WDR11: variants seen among roughly 807,000 people sequenced by gnomAD.
WDR11 encodes WD repeat-containing protein 11.
WDR11 carries 83 observed loss-of-function variants against 151.2 expected under a neutral mutation model. The observed-to-expected ratio is 0.55, with a 90% CI of 0.46 to 0.66. The LOEUF is 0.66. Among genes scored for constraint, WDR11 ranks in the 30% least tolerant of loss-of-function variants. The probability of loss-of-function intolerance (pLI) is 0.00; values close to 1 mark genes in which losing one functional copy is unlikely to be tolerated. For missense variants in WDR11, 1,301 were observed against 1,480.9 expected (o/e 0.88, Z 1.99); for synonymous variants, 484 against 533.1 (o/e 0.91, Z 1.27).
At chr10:120,891,654 T>A (rs1208448796) in intron 19 of WDR11, among the ~76,000 whole-genome samples, 1 of 152,160 alleles carries the variant, frequency 6.6e-6, no homozygotes, top group Non-Finnish European at 1.5e-5. Context: ...ATGTAGAAAA[T>A]TTCATGAGAC....
rs1848151773 is a variant in WDR11, at chr10:120,908,376, G to A, written c.3518-180G>A. On this transcript the variant is annotated intron_variant, in intron 28 of 28. Coordinates refer to ENST00000263461, the MANE Select transcript of WDR11 (RefSeq NM_018117.12). Reference sequence around the variant, plus strand: ...GACTGAGACATGGCCTACTATGGCCGGGAATCACCCTCTGCCCGCGAAAAG... The same window carrying A: ...GACTGAGACATGGCCTACTATGGCCAGGAATCACCCTCTGCCCGCGAAAAG... 7.6e-6 allele frequency: 5 copies of A among 657,366 alleles called. 1 individual carries two copies. Among genetic ancestry groups the A allele is most frequent in the South Asian group, 3.3e-5 (2 of 59,716 alleles). The allele number at this position is 657,366 out of a possible 1,614,324, so 40.7% of individuals were successfully genotyped here.
At chr10:120,905,133 A>G (rs375537078) in intron 25 of WDR11, among the ~76,000 whole-genome samples, 186 bp from the exon 26 acceptor site, 2 of 152,126 alleles carry the variant, frequency 1.3e-5, no homozygotes, top group African/African-American at 4.8e-5. Context: ...TGTGCTTCCT[A>G]CCCTGGTTAC....
Position 120,904,243 on chromosome 10 carries a change from C to CT in WDR11, c.3027+103dup, listed in dbSNP as rs931401321. On this transcript the variant is annotated intron_variant, in intron 24 of 28. Coordinates refer to ENST00000263461, the MANE Select transcript of WDR11 (RefSeq NM_018117.12). ...TGTATATATTTCATAATATTTTCCC[C>CT]TTGTATGTACCTCCTTCCCTGTAGA... The CT allele has an allele frequency of 5.4e-6, 5 of 925,926 alleles. No homozygotes were observed. In the African/African-American group the frequency reaches 8.3e-5, roughly 15 times the overall value. The allele number at this position is 925,926 out of a possible 1,614,324, so 57.4% of individuals were successfully genotyped here.
chr10:120,860,067 T>G (rs778190915), intron 3 of WDR11, 42 bp from the exon 4 acceptor site: 2 of 1,611,960 alleles, frequency 1.2e-6, no homozygotes, highest in Non-Finnish European at 1.7e-6. Context: ...CTTTGGAGAG[T>G]GTGGTTTCTG....
rs1035465781 is a variant in WDR11 at position 120,904,636 on chromosome 10, C to A, written c.3028-10C>A. The A allele has an allele frequency of 6.2e-7, 1 of 1,614,120 alleles. No homozygotes were observed. The highest frequency in any genetic ancestry group is 1.7e-5 in the Admixed American group (1 of 60,024). On this transcript the variant is annotated splice_polypyrimidine_tract_variant and intron_variant, in intron 24 of 28. Transcript: ENST00000263461. ...GTTCTCATAATTAGAAAAACCGTTTCTCTTACTAGACAGACAGAGCTGTGC... is the reference window on the plus strand; with the variant it reads ...GTTCTCATAATTAGAAAAACCGTTTATCTTACTAGACAGACAGAGCTGTGC...
rs760824909 is a variant in WDR11, at chr10:120,862,831, C to G, written c.623C>G (p.Ser208Cys). ...AAAGTTTACATATCCAGCCCACACT[C>G]TAGCCCAGCTCATAACAAGCTGGCC... is the stretch of plus-strand genomic sequence containing the variant. Reference protein sequence around the residue: ...GKKVYISSPHSSPAHNKLATA... With the variant: ...GKKVYISSPHCSPAHNKLATA... Residue 208 changes from serine (S) to cysteine (C), a missense_variant, in exon 5 of 29, where the codon TCT becomes TGT. By Grantham distance (112) the Ser-to-Cys change is moderately radical. Coordinates refer to ENST00000263461, the MANE Select transcript of WDR11 (RefSeq NM_018117.12). 50 of 1,613,996 alleles carry G rather than the reference C, an allele frequency of 3.1e-5. No homozygotes were observed. The highest frequency in any genetic ancestry group is 4.1e-5 in the Non-Finnish European group (48 of 1,179,994).
chr10:120,905,538 C>T, intron 26 of WDR11, 122 bp downstream of exon 26: 1 of 998,688 alleles, frequency 1.0e-6, no homozygotes, highest in South Asian at 1.3e-5. Flanking sequence ...CAAATACTGT[C>T]TTGGAACCTT....
At chr10:120,883,220 A>G (rs181491284) in intron 13 of WDR11, among the ~76,000 whole-genome samples, 77 of 152,172 alleles carry the variant, frequency 5.1e-4, no homozygotes, top group African/African-American at 1.8e-3. Context: ...CATTTCCTCT[A>G]TGTCAGCCAT....
At chr10:120,874,880 G>A (rs1484635120) in intron 11 of WDR11, among the ~76,000 whole-genome samples, 1 of 151,446 alleles carries the variant, frequency 6.6e-6, no homozygotes, top group Non-Finnish European at 1.5e-5. Context: ...CATGTGCCTT[G>A]GTGGTTTGCT....
At position 120,866,748 on chromosome 10, in the gene WDR11, C is replaced by G. The variant is rs375696471; in HGVS notation, c.1174C>G (p.Arg392Gly). 6.2e-7 allele frequency: 1 copy of G among 1,613,904 alleles called. No individual in the cohort carries two copies. Among genetic ancestry groups the G allele is most frequent in the African/African-American group, 1.3e-5 (1 of 74,886 alleles). ...IWELKSAVCN[R>G]NSRNSSSGVS... ...GGAACTCAAGTCTGCAGTTTGTAATCGAAATTCACGGAACAGGTAAATGAA... is the reference window on the plus strand; with the variant it reads ...GGAACTCAAGTCTGCAGTTTGTAATGGAAATTCACGGAACAGGTAAATGAA... Residue 392 changes from arginine (R) to glycine (G), a missense_variant, in exon 8 of 29, where the codon CGA (arginine) becomes GGA (glycine). This residue lies in a region of WDR11 where 692 missense variants were observed against 762.5 expected (regional missense o/e 0.91). Coordinates refer to ENST00000263461, the MANE Select transcript of WDR11 (RefSeq NM_018117.12).
chr10:120,893,764 A>C (rs1290925937), intron 19 of WDR11, among the ~76,000 whole-genome samples: 2 of 152,054 alleles, frequency 1.3e-5, no homozygotes, highest in African/African-American at 4.8e-5. Flanking sequence ...TCTGATGGCC[A>C]GTGATGATGA....
intron 17 of WDR11, 78 bp from the exon 18 acceptor site, chr10:120,889,817 T>G: frequency 1.0e-6 from 1 of 961,878 alleles, no homozygotes; most frequent in East Asian, 2.5e-5. Context: ...ATGGAAATAG[T>G]GAGAGATGTT....
intron 9 of WDR11, among the ~76,000 whole-genome samples, chr10:120,869,393 G>A (rs1159590134): frequency 6.6e-6 from 1 of 152,144 alleles, no homozygotes. Context: ...GATTACAGGC[G>A]TGAGCCACCG....
intron 2 of WDR11, among the ~76,000 whole-genome samples, chr10:120,852,968 CAGCGTGAT>C (rs1845831155): frequency 6.6e-6 from 1 of 152,212 alleles, no homozygotes; most frequent in African/African-American, 2.4e-5. Flanking sequence ...GGAAGACTCA[CAGCGTGAT>C]AGTGTGATAA....
chr10:120,874,186 T>TTG lies in WDR11; in HGVS notation c.1556+264_1556+265insGT, dbSNP rs1554854827. On this transcript the variant is annotated intron_variant, in intron 11 of 28. Transcript: ENST00000263461. ...ATTGCGGTTTTTGCAGTTTTTTTTT[T>TTG]TTTTTTGTTGTTGTTGTTGTTGTTT... Among the ~76,000 whole-genome samples, 3,642 of 96,914 alleles carry TTG rather than the reference T, an allele frequency of 0.038. 99 individuals are homozygous for TTG. Among genetic ancestry groups the TTG allele is most frequent in the South Asian group, 0.059 (168 of 2,852 alleles). The allele number at this position is 96,914 out of a possible 152,430, so 63.6% of individuals were successfully genotyped here.
chr10:120,898,397 A>G (rs932244933), intron 19 of WDR11, among the ~76,000 whole-genome samples: 1 of 152,226 alleles, frequency 6.6e-6, no homozygotes, highest in African/African-American at 2.4e-5. Context: ...GACTGAATCA[A>G]TAATCACTTT....
chr10:120,866,004 T>G (rs1183907541), intron 7 of WDR11, among the ~76,000 whole-genome samples: 1 of 151,976 alleles, frequency 6.6e-6, no homozygotes, highest in Non-Finnish European at 1.5e-5. Flanking sequence ...GTAGATATTA[T>G]TTTTTGGAAT....
chr10:120,906,942 AG>A lies in WDR11; in HGVS notation c.3517+89del, dbSNP rs1848077332. ...TTTCCCTTAGTTGTGCTGCCTGGAC[AG>A]GAACTATATTATATTGTGAAAGATC... is the stretch of plus-strand genomic sequence containing the variant. On this transcript the variant is annotated intron_variant, in intron 28 of 28. Transcript: ENST00000263461. 4 of 1,563,792 alleles carry A rather than the reference AG, an allele frequency of 2.6e-6. No individual in the cohort carries two copies. In the South Asian group the frequency reaches 3.3e-5, roughly 13 times the overall value.
intron 9 of WDR11, among the ~76,000 whole-genome samples, chr10:120,869,206 G>C (rs559364417): frequency 4.0e-5 from 6 of 149,666 alleles, no homozygotes; most frequent in Non-Finnish European, 5.9e-5. Context: ...CGCCTCCCGG[G>C]TTCACGCCAT....
Sources: allele counts gnomAD v4.1 joint callset (sites outside exome capture counted in the v4.1 genomes callset), GRCh38; gene constraint gnomAD v4.1.1; regional missense constraint gnomAD v4.1.1; transcripts MANE v1.5; gene names NCBI Gene and HGNC (gene_info 2026-07-23, HGNC 2026-07-21).